PRKCB: variants seen among roughly 807,000 people sequenced by gnomAD.
PRKCB encodes the protein protein kinase C beta type.
PRKCB carries 13 observed loss-of-function variants against 81.5 expected under a neutral mutation model. The ratio of observed to expected loss-of-function variants is 0.16; its 90% CI spans 0.10 to 0.25. PRKCB has a LOEUF of 0.25. PRKCB is among the 10% of genes least tolerant of loss of function. The probability of loss-of-function intolerance (pLI) is 1.00; values close to 1 mark genes in which losing one functional copy is unlikely to be tolerated. For missense variants in PRKCB, 509 were observed against 875.7 expected (o/e 0.58, Z 5.29); for synonymous variants, 335 against 321.4 (o/e 1.04, Z -0.45).
At chr16:23,971,604 C>T (rs150031602) in intron 2 of PRKCB, among the ~76,000 whole-genome samples, 18 of 152,278 alleles carry the variant, frequency 1.2e-4, no homozygotes, top group African/African-American at 3.4e-4. Context: ...ACCTGCAGCT[C>T]CCTCTGTCCA....
chr16:23,944,335 T>C (rs1964177226), intron 2 of PRKCB, among the ~76,000 whole-genome samples: 2 of 152,220 alleles, frequency 1.3e-5, no homozygotes, highest in Admixed American at 1.3e-4. Context: ...AAATTATCCT[T>C]CTGTAGGTTG....
At chr16:24,072,321 G>A (rs752643243) in intron 5 of PRKCB, among the ~76,000 whole-genome samples, 28 of 152,096 alleles carry the variant, frequency 1.8e-4, no homozygotes, top group Non-Finnish European at 3.4e-4. Context: ...AGGCTGGAGT[G>A]CAGTGGTACG....
intron 3 of PRKCB, among the ~76,000 whole-genome samples, chr16:24,012,166 G>A (rs977536273): frequency 4.6e-5 from 7 of 152,026 alleles, no homozygotes; most frequent in African/African-American, 1.7e-4. Flanking sequence ...TCTCTCCATG[G>A]CCAAATCCTA....
chr16:24,158,274 A>G (rs1567395810), intron 10 of PRKCB, among the ~76,000 whole-genome samples: 1 of 152,196 alleles, frequency 6.6e-6, no homozygotes, highest in East Asian at 1.9e-4. Context: ...GGCTAAGCAC[A>G]TATATTTTAA....
At chr16:23,851,334 A>G (rs1294560000) in intron 2 of PRKCB, among the ~76,000 whole-genome samples, 1 of 152,246 alleles carries the variant, frequency 6.6e-6, no homozygotes, top group Middle Eastern at 3.2e-3. Flanking sequence ...TTTACTGAAG[A>G]GACTGTCCTT....
chr16:23,893,039 GA>G (rs1963319427), intron 2 of PRKCB: 2 of 151,756 alleles, frequency 1.3e-5, no homozygotes, highest in South Asian at 4.2e-4. Flanking sequence ...GCTTAATCTT[GA>G]AATACAGGGA....
intron 2 of PRKCB, among the ~76,000 whole-genome samples, chr16:23,902,794 C>CTCCT (rs1963502690): frequency 8.9e-6 from 1 of 112,266 alleles, no homozygotes; most frequent in African/African-American, 3.7e-5. Context: ...CCCTCCCTCC[C>CTCCT]TCCCTTCCTT....
chr16:24,083,958 A>T (rs1240533051), intron 5 of PRKCB, among the ~76,000 whole-genome samples: 1 of 152,182 alleles, frequency 6.6e-6, no homozygotes, highest in Non-Finnish European at 1.5e-5. Flanking sequence ...GAAGAGGGAG[A>T]TGGATAAGAG....
At chr16:24,134,418 T>C (rs1419619125) in intron 9 of PRKCB, among the ~76,000 whole-genome samples, 3 of 151,974 alleles carry the variant, frequency 2.0e-5, no homozygotes, top group Non-Finnish European at 4.4e-5. Flanking sequence ...CTGAGCAACA[T>C]AGCAAGACCT....
chr16:23,955,211 G>A (rs920702324), intron 2 of PRKCB, among the ~76,000 whole-genome samples: 3 of 102,530 alleles, frequency 2.9e-5, no homozygotes, highest in African/African-American at 1.1e-4. Context: ...GAGCGAGACT[G>A]TCTCAAACAC....
intron 2 of PRKCB, among the ~76,000 whole-genome samples, chr16:23,942,159 G>C (rs963244238): frequency 3.3e-5 from 5 of 152,214 alleles, no homozygotes; most frequent in African/African-American, 2.4e-5. Flanking sequence ...GATGCCACCA[G>C]CTCCCTTTTC....
Position 24,021,072 on chromosome 16 carries a change from C to CTCCTTTCTTTCT in PRKCB, c.289-11063_289-11062insCCTTTCTTTCTT. Among the ~76,000 whole-genome samples, 445 of 94,438 alleles carry CTCCTTTCTTTCT rather than the reference C, an allele frequency of 4.7e-3. 16 individuals carry two copies. The highest frequency in any genetic ancestry group is 0.036 in the East Asian group (121 of 3,376). The allele number at this position is 94,438 out of a possible 152,430, so 62.0% of individuals were successfully genotyped here. A position where few individuals can be genotyped will look rare whatever the true frequency, so the allele number is the denominator to read the frequency against. ...TTTCTTTCTTTCCCTCCCTCCCTCC[C>CTCCTTTCTTTCT]TTCTTTCTTTCTTTCTTTTTTTCTT... On this transcript the variant is annotated intron_variant, in intron 3 of 16. Coordinates refer to ENST00000643927, the MANE Select transcript of PRKCB (RefSeq NM_002738.7).
At chr16:23,985,069 G>A (rs1249390725) in intron 2 of PRKCB, among the ~76,000 whole-genome samples, 1 of 152,030 alleles carries the variant, frequency 6.6e-6, no homozygotes, top group Non-Finnish European at 1.5e-5. Flanking sequence ...ACAATCTATT[G>A]CTTTCCTATT....
intron 2 of PRKCB, among the ~76,000 whole-genome samples, chr16:23,918,749 A>G (rs1430570479): frequency 6.6e-6 from 1 of 152,246 alleles, no homozygotes; most frequent in African/African-American, 2.4e-5. Flanking sequence ...AATCAAATCT[A>G]AGCATCAAGC....
intron 2 of PRKCB, among the ~76,000 whole-genome samples, chr16:23,843,679 A>G (rs1962307010): frequency 6.6e-6 from 1 of 151,804 alleles, no homozygotes; most frequent in African/African-American, 2.4e-5. Context: ...CTGATATGAT[A>G]TATAGATTCT....
chr16:24,065,617 T>C (rs1966023680), intron 5 of PRKCB, among the ~76,000 whole-genome samples: 1 of 152,216 alleles, frequency 6.6e-6, no homozygotes, highest in Admixed American at 6.5e-5. Flanking sequence ...TTTCATTCTT[T>C]CTTACATTTT....
intron 2 of PRKCB, among the ~76,000 whole-genome samples, chr16:23,880,775 AAG>A (rs1329945914): frequency 2.0e-5 from 3 of 152,172 alleles, no homozygotes; most frequent in African/African-American, 7.2e-5. Flanking sequence ...GATGCAGAGA[AAG>A]AAAATAATCT....
At chr16:24,103,369 C>T (rs1219642756) in intron 7 of PRKCB, among the ~76,000 whole-genome samples, 1 of 151,996 alleles carries the variant, frequency 6.6e-6, no homozygotes, top group Non-Finnish European at 1.5e-5. Flanking sequence ...TGTTAAGTTA[C>T]TGTTTTAGTG....
intron 9 of PRKCB, among the ~76,000 whole-genome samples, chr16:24,150,351 C>G (rs1318901955): frequency 6.6e-6 from 1 of 151,806 alleles, no homozygotes; most frequent in Admixed American, 6.6e-5. Flanking sequence ...CAAAACAAAA[C>G]AAAACAAAAA....
Sources: allele counts gnomAD v4.1 joint callset (sites outside exome capture counted in the v4.1 genomes callset), GRCh38; gene constraint gnomAD v4.1.1; transcripts MANE v1.5; gene names NCBI Gene and HGNC (gene_info 2026-07-23, HGNC 2026-07-21).